Variants in SUMF1 observed in about 807,000 individuals in gnomAD.
The protein encoded by SUMF1 is sulfatase modifying factor 1.
SUMF1 carries 48 observed loss-of-function variants against 47.6 expected under a neutral mutation model. The observed-to-expected ratio is 1.01, with a 90% CI of 0.80 to 1.28. The LOEUF (loss-of-function observed/expected upper bound fraction) is 1.28. Among genes scored for constraint, SUMF1 ranks in the 50% most tolerant of loss-of-function variants. SUMF1 has a pLI of 0.00. For synonymous variants in SUMF1, 230 were observed against 192.1 expected, an observed-to-expected ratio of 1.20 and a Z score of -1.63; for missense variants, 571 against 485.4, an observed-to-expected ratio of 1.18 and a Z score of -1.66.
chr3:4,324,833 A>G (rs1282568450), intron 8 of SUMF1, among the ~76,000 whole-genome samples: 1 of 151,920 alleles, frequency 6.6e-6, no homozygotes, highest in African/African-American at 2.4e-5. Flanking sequence ...CTGCAATTCT[A>G]TTTTTCTTTT....
At chr3:4,345,779 T>G (rs1016347536) in intron 8 of SUMF1, among the ~76,000 whole-genome samples, 3 of 152,086 alleles carry the variant, frequency 2.0e-5, no homozygotes, top group Admixed American at 2.0e-4. Context: ...CATGCTGTAT[T>G]CAGGAGACCC....
chr3:4,086,363 C>T (rs1692671928), intron 8 of SUMF1, among the ~76,000 whole-genome samples: 2 of 152,032 alleles, frequency 1.3e-5, no homozygotes, highest in Non-Finnish European at 2.9e-5. Flanking sequence ...AGTCACTTCA[C>T]CTCTCCGGGA....
At chr3:4,350,151 C>G (rs1699462558) in intron 8 of SUMF1, among the ~76,000 whole-genome samples, 1 of 151,712 alleles carries the variant, frequency 6.6e-6, no homozygotes, top group Admixed American at 6.6e-5. Context: ...CAGGCATGCA[C>G]CACCACGCCA....
chr3:4,440,404 A>AGC (rs1702546834), intron 3 of SUMF1, among the ~76,000 whole-genome samples: 1 of 152,160 alleles, frequency 6.6e-6, no homozygotes, highest in Admixed American at 6.6e-5. Context: ...TCTAAAAATT[A>AGC]TTTTGGGGAG....
At chr3:4,250,116 G>A (rs1166972605) in intron 8 of SUMF1, among the ~76,000 whole-genome samples, 1 of 151,726 alleles carries the variant, frequency 6.6e-6, no homozygotes, top group Non-Finnish European at 1.5e-5. Flanking sequence ...ACAGGAGGCA[G>A]AGGTTAGTGG....
At chr3:4,170,378 G>C (rs61582064) in intron 8 of SUMF1, among the ~76,000 whole-genome samples, 3,416 of 152,240 alleles carry the variant, frequency 0.022, 275 homozygotes, top group East Asian at 0.18. Context: ...ATATCTGGGG[G>C]TAGGGCCTGA....
At chr3:4,080,470 T>A (rs1042170106) in intron 8 of SUMF1, among the ~76,000 whole-genome samples, 12 of 152,124 alleles carry the variant, frequency 7.9e-5, no homozygotes, top group Non-Finnish European at 1.6e-4. Context: ...TTCTTTTTTT[T>A]AATTGAATCC....
At chr3:4,419,864 G>A (rs529885936) in intron 4 of SUMF1, among the ~76,000 whole-genome samples, 200 bp downstream of exon 4, 1 of 152,356 alleles carries the variant, frequency 6.6e-6, no homozygotes, top group Non-Finnish European at 1.5e-5. Flanking sequence ...CACTAATTAA[G>A]AGCTTTCTTA....
At chr3:4,285,388 G>T (rs1697613111) in intron 8 of SUMF1, among the ~76,000 whole-genome samples, 1 of 151,998 alleles carries the variant, frequency 6.6e-6, no homozygotes, top group African/African-American at 2.4e-5. Flanking sequence ...ATTAATGATG[G>T]TAATGGTCAT....
At chr3:4,091,315 G>T (rs1227797425) in intron 8 of SUMF1, among the ~76,000 whole-genome samples, 4 of 152,078 alleles carry the variant, frequency 2.6e-5, no homozygotes, top group Admixed American at 6.6e-5. Flanking sequence ...TTCACCTCTT[G>T]TAACAGGGAA....
chr3:4,294,441 G>A (rs545249764), intron 8 of SUMF1, among the ~76,000 whole-genome samples: 47 of 152,122 alleles, frequency 3.1e-4, no homozygotes, highest in Non-Finnish European at 5.6e-4. Context: ...GTGTGTGCCT[G>A]TAGTCTCAGC....
rs1472077249 is a variant in SUMF1, at chr3:4,151,392, T to A, written c.1015-82647A>T. Among the ~76,000 whole-genome samples, 78 of 94,866 alleles carry A rather than the reference T, an allele frequency of 8.2e-4. 1 individual carries two copies. Among genetic ancestry groups the A allele is most frequent in the Non-Finnish European group, 6.4e-4 (27 of 42,098 alleles). 62.2% of individuals were successfully genotyped at this position (94,866 alleles called of 152,430 possible). A position where few individuals can be genotyped will look rare whatever the true frequency, so the allele number is the denominator to read the frequency against. On this transcript the variant is annotated intron_variant and NMD_transcript_variant, in intron 8 of 12. Transcript: ENST00000448413. ...ATATACATGTGTGTATATATATGTA[T>A]ATATATGTATATGTATATATGTATA...
At chr3:4,352,298 TC>T (rs972412342) in intron 8 of SUMF1, among the ~76,000 whole-genome samples, 1 of 150,946 alleles carries the variant, frequency 6.6e-6, no homozygotes, top group Non-Finnish European at 1.5e-5. Flanking sequence ...AATAACCAGT[TC>T]CCCCCCAAAA....
intron 9 of SUMF1, among the ~76,000 whole-genome samples, chr3:4,058,231 T>C (rs1015512464): frequency 2.0e-5 from 3 of 152,136 alleles, no homozygotes; most frequent in Non-Finnish European, 4.4e-5. Flanking sequence ...CACAAAGCCA[T>C]GTTGCTCGCG....
At chr3:4,227,410 T>A (rs752731562) in intron 8 of SUMF1, among the ~76,000 whole-genome samples, 1 of 152,104 alleles carries the variant, frequency 6.6e-6, no homozygotes, top group South Asian at 2.1e-4. Context: ...TGAAGAAAAA[T>A]AACTGCTTCT....
At chr3:4,318,076 T>G (rs1698732145) in intron 8 of SUMF1, among the ~76,000 whole-genome samples, 1 of 150,740 alleles carries the variant, frequency 6.6e-6, no homozygotes, top group South Asian at 2.1e-4. Flanking sequence ...CACACACGAG[T>G]TAAAGAAGAC....
intron 8 of SUMF1, among the ~76,000 whole-genome samples, chr3:4,285,417 T>C (rs1178006797): frequency 3.9e-5 from 6 of 151,982 alleles, no homozygotes; most frequent in African/African-American, 1.5e-4. Flanking sequence ...ACAGGTGATT[T>C]TTCTTTTTTT....
At chr3:4,037,615 T>A (rs1402693961) in intron 9 of SUMF1, among the ~76,000 whole-genome samples, 1 of 152,218 alleles carries the variant, frequency 6.6e-6, no homozygotes, top group Non-Finnish European at 1.5e-5. Flanking sequence ...CAAATCTTGA[T>A]GATCTTCATT....
intron 8 of SUMF1, among the ~76,000 whole-genome samples, chr3:4,165,511 G>A (rs1559527298): frequency 6.6e-6 from 1 of 152,054 alleles, no homozygotes; most frequent in Non-Finnish European, 1.5e-5. Context: ...AAGCTGAGAG[G>A]TCCTCCTGTG....
Sources: gnomAD v4.1 joint callset for allele counts (sites outside exome capture counted in the v4.1 genomes callset) on GRCh38, gnomAD v4.1.1 for gene constraint, MANE v1.5 for transcripts, NCBI Gene and HGNC (gene_info 2026-07-23, HGNC 2026-07-21) for gene names.